The following PRKAR2A variants were observed in gnomAD, a reference collection of about 807,000 sequenced individuals.
PRKAR2A encodes protein kinase cAMP-dependent type II regulatory subunit alpha, also known as cAMP-dependent protein kinase type II-alpha regulatory subunit.
In PRKAR2A, 29 loss-of-function variants were observed where a neutral mutation model predicts 51.9. The observed-to-expected ratio is 0.56, with a 90% CI of 0.42 to 0.76. The LOEUF (loss-of-function observed/expected upper bound fraction) is 0.76, where lower values mean the gene tolerates loss of function less well. Among genes scored for constraint, PRKAR2A ranks in the 30% least tolerant of loss-of-function variants. The pLI, the probability that PRKAR2A is intolerant of heterozygous loss-of-function variation, is 0.00. For synonymous variants in PRKAR2A, 178 were observed against 186.2 expected (o/e 0.96, Z 0.36); for missense variants, 445 against 512.1 (o/e 0.87, Z 1.26).
chr3:48,776,345 C>A (rs981231164), intron 5 of PRKAR2A, among the ~76,000 whole-genome samples: 2 of 152,020 alleles, frequency 1.3e-5, no homozygotes, highest in African/African-American at 4.8e-5. Context: ...AAGAGATAAT[C>A]AAAGATACTG....
intron 6 of PRKAR2A, 59 bp downstream of exon 6, chr3:48,772,896 G>C (rs570431891): frequency 6.6e-7 from 1 of 1,521,982 alleles, no homozygotes; most frequent in Non-Finnish European, 8.9e-7. Context: ...CCCAAGGACA[G>C]AGACACAGAA....
At position 48,847,538 on chromosome 3, in the gene PRKAR2A, T is replaced by A; in HGVS notation, c.59A>T (p.Glu20Val). The change falls in exon 1 of 11, where the codon GAG (glutamate) becomes GTG (valine). Residue 20 changes from glutamate to valine, a missense_variant. Transcript: ENST00000265563. The surrounding 1 kb of genome is among the most constrained non-coding windows in gnomAD (Gnocchi z 4.4). ...GTCAGGCGGCTGCTGTCGCAGCACC[T>A]CCACCGTGTAGCCCTGCAGCAGCTC... ...LTELLQGYTV[E>V]VLRQQPPDLV... 1.3e-6 allele frequency: 2 copies of A among 1,572,534 alleles called. No homozygotes were observed. Among genetic ancestry groups the A allele is most frequent in the Non-Finnish European group, 1.7e-6 (2 of 1,161,430 alleles).
intron 4 of PRKAR2A, among the ~76,000 whole-genome samples, chr3:48,788,284 C>T (rs935116713): frequency 3.3e-5 from 5 of 152,092 alleles, no homozygotes; most frequent in Non-Finnish European, 5.9e-5. Flanking sequence ...CCACTTCGGC[C>T]TCCCAAAGTG....
intron 6 of PRKAR2A, among the ~76,000 whole-genome samples, chr3:48,768,756 T>C (rs1020284872): frequency 3.3e-5 from 5 of 152,026 alleles, no homozygotes; most frequent in Admixed American, 2.0e-4. Flanking sequence ...ACTCCCAATA[T>C]TTTACAAATC....
intron 8 of PRKAR2A, among the ~76,000 whole-genome samples, chr3:48,757,466 T>A (rs983328479): frequency 6.6e-6 from 1 of 152,272 alleles, no homozygotes; most frequent in Non-Finnish European, 1.5e-5. Flanking sequence ...TTGTAGGTTT[T>A]GGCCATTCCT....
chr3:48,792,523 G>A (rs542507416), intron 3 of PRKAR2A, among the ~76,000 whole-genome samples: 10 of 136,920 alleles, frequency 7.3e-5, no homozygotes, highest in South Asian at 2.4e-4. Context: ...GTGCAGTGGC[G>A]TGATCTCAGC....
chr3:48,785,149 G>A (rs1010422625), intron 4 of PRKAR2A, among the ~76,000 whole-genome samples: 4 of 147,760 alleles, frequency 2.7e-5, no homozygotes, highest in Non-Finnish European at 5.9e-5. Context: ...GGAGTGCAGT[G>A]GCGCGATCTT....
intron 1 of PRKAR2A, among the ~76,000 whole-genome samples, chr3:48,839,748 CTTG>C (rs2083346791): frequency 1.3e-5 from 2 of 152,070 alleles, no homozygotes; most frequent in Non-Finnish European, 2.9e-5. Flanking sequence ...TATGATACTT[CTTG>C]TTCTTTTTTT....
At chr3:48,797,178 T>C (rs1047608449) in intron 2 of PRKAR2A, among the ~76,000 whole-genome samples, 1 of 151,964 alleles carries the variant, frequency 6.6e-6, no homozygotes, top group African/African-American at 2.4e-5. Context: ...ATTATTATTA[T>C]ATTTTTTGAG....
At chr3:48,775,571 A>G (rs1235299486) in intron 5 of PRKAR2A, among the ~76,000 whole-genome samples, 1 of 151,772 alleles carries the variant, frequency 6.6e-6, no homozygotes, top group East Asian at 1.9e-4. Context: ...TGAGGGAAAC[A>G]TAAACTTTTC....
intron 5 of PRKAR2A, among the ~76,000 whole-genome samples, chr3:48,778,092 C>A (rs1024313271): frequency 1.3e-4 from 20 of 152,308 alleles, no homozygotes; most frequent in African/African-American, 4.1e-4. Context: ...ATTGAAAGGT[C>A]TGTCTCTCCA....
intron 2 of PRKAR2A, among the ~76,000 whole-genome samples, chr3:48,805,890 G>T (rs954882793): frequency 1.3e-5 from 2 of 152,128 alleles, no homozygotes; most frequent in African/African-American, 4.8e-5. Context: ...TCTTCTACAA[G>T]GTTCAAGATT....
At chr3:48,829,715 T>C (rs2083146168) in intron 1 of PRKAR2A, among the ~76,000 whole-genome samples, 1 of 140,092 alleles carries the variant, frequency 7.1e-6, no homozygotes, top group Non-Finnish European at 1.6e-5. Flanking sequence ...TTCTTATACG[T>C]ATATATTTTA....
intron 4 of PRKAR2A, among the ~76,000 whole-genome samples, chr3:48,784,102 A>G (rs944706614): frequency 1.6e-4 from 24 of 152,224 alleles, no homozygotes; most frequent in Non-Finnish European, 1.6e-4. Flanking sequence ...GTCAATAAGT[A>G]TAATGAAAAG....
intron 1 of PRKAR2A, among the ~76,000 whole-genome samples, chr3:48,825,332 G>T (rs557894946): frequency 2.2e-4 from 33 of 151,884 alleles, no homozygotes; most frequent in Admixed American, 9.2e-4. Flanking sequence ...CTAAGAAACA[G>T]TCTTGCTAGG....
intron 1 of PRKAR2A, among the ~76,000 whole-genome samples, chr3:48,828,103 C>T (rs567892246): frequency 5.9e-5 from 9 of 152,244 alleles, no homozygotes; most frequent in South Asian, 2.1e-4. Context: ...TGAGCTCAGG[C>T]GATCCACCCA....
At chr3:48,769,110 A>G (rs903213496) in intron 6 of PRKAR2A, among the ~76,000 whole-genome samples, 1 of 151,738 alleles carries the variant, frequency 6.6e-6, no homozygotes, top group African/African-American at 2.4e-5. Context: ...AAAAACAACA[A>G]CAACAACAAC....
chr3:48,831,468 G>A (rs965545525), intron 1 of PRKAR2A, among the ~76,000 whole-genome samples: 22 of 148,884 alleles, frequency 1.5e-4, no homozygotes, highest in Admixed American at 1.1e-3. Context: ...CTGGGCTCAA[G>A]TTATCTTCCC....
At chr3:48,799,292 C>T (rs1189689473) in intron 2 of PRKAR2A, among the ~76,000 whole-genome samples, 1 of 152,148 alleles carries the variant, frequency 6.6e-6, no homozygotes, top group Non-Finnish European at 1.5e-5. Context: ...GTGGCTCACA[C>T]CTGTAATCCC....
Sources: allele counts gnomAD v4.1 joint callset (sites outside exome capture counted in the v4.1 genomes callset), GRCh38; gene constraint gnomAD v4.1.1; non-coding constraint Gnocchi (gnomAD v3.1); transcripts MANE v1.5; gene names NCBI Gene and HGNC (gene_info 2026-07-23, HGNC 2026-07-21).